MAP3K9: variants seen among roughly 807,000 people sequenced by gnomAD.
MAP3K9 encodes the protein mixed lineage kinase 1 (tyr and ser/thr specificity).
Under a neutral mutation model 95.8 loss-of-function variants are expected in MAP3K9, and 46 were observed. That is an observed-to-expected ratio of 0.48 (90% CI 0.38 to 0.61). The LOEUF (loss-of-function observed/expected upper bound fraction) is 0.61, where lower values mean the gene tolerates loss of function less well. Among genes scored for constraint, MAP3K9 ranks in the 20% least tolerant of loss-of-function variants. The probability of loss-of-function intolerance (pLI) is 0.00; values close to 1 mark genes in which losing one functional copy is unlikely to be tolerated. For missense variants in MAP3K9, 1,296 were observed against 1,474.3 expected, an observed-to-expected ratio of 0.88 and a Z score of 1.98; for synonymous variants, 533 against 593.8, an observed-to-expected ratio of 0.90 and a Z score of 1.49.
intron 3 of MAP3K9, among the ~76,000 whole-genome samples, chr14:70,757,957 A>C (rs1462137180): frequency 1.3e-5 from 2 of 152,216 alleles, no homozygotes; most frequent in Non-Finnish European, 2.9e-5. Context: ...TCTTAGAAAA[A>C]AATATAGGAG....
At chr14:70,739,509 C>T (rs1225936789) in intron 7 of MAP3K9, among the ~76,000 whole-genome samples, 2 of 150,378 alleles carry the variant, frequency 1.3e-5, no homozygotes, top group African/African-American at 4.9e-5. Flanking sequence ...TGTTCACACA[C>T]ACACACACAC....
At chr14:70,797,236 T>G (rs951686948) in intron 2 of MAP3K9, among the ~76,000 whole-genome samples, 3 of 152,134 alleles carry the variant, frequency 2.0e-5, no homozygotes, top group East Asian at 1.9e-4. Context: ...CACATGACAA[T>G]GACCAAAATC....
intron 2 of MAP3K9, among the ~76,000 whole-genome samples, chr14:70,783,847 C>T (rs923919468): frequency 3.9e-5 from 6 of 152,224 alleles, no homozygotes; most frequent in Non-Finnish European, 7.3e-5. Flanking sequence ...ATCTGAATAA[C>T]CACACAGGGC....
At position 70,800,899 on chromosome 14, in the gene MAP3K9, G is replaced by A. The variant is rs1282626030; in HGVS notation, c.588C>T (p.Ala196=). ...CAATGATGTTGGGGTGCTTCAGCAT[G>A]GCGAAGAGCTTGGCCTCTTGGCGAA... ...ENVRQEAKLF[A]MLKHPNIIAL... is the part of the protein sequence containing the mutation. Residue 196 remains alanine (A), a synonymous_variant, in exon 2 of 12, where the codon GCC becomes GCT. Transcript: ENST00000554752. 6.2e-7 allele frequency: 1 copy of A among 1,614,186 alleles called. No individual in the cohort carries two copies.
At chr14:70,733,454 C>T in intron 10 of MAP3K9, 112 bp from the exon 11 acceptor site, 1 of 611,836 alleles carries the variant, frequency 1.6e-6, no homozygotes, top group Non-Finnish European at 2.9e-6. Flanking sequence ...CTCAGGGACA[C>T]AAAGGTTCAA....
chr14:70,772,425 C>T (rs2054544166), intron 2 of MAP3K9, among the ~76,000 whole-genome samples: 1 of 152,148 alleles, frequency 6.6e-6, no homozygotes, highest in Admixed American at 6.5e-5. Flanking sequence ...TTTTCCTGAG[C>T]TAGAGTAAAG....
intron 2 of MAP3K9, among the ~76,000 whole-genome samples, chr14:70,767,260 T>TG (rs2054468639): frequency 6.6e-6 from 1 of 151,802 alleles, no homozygotes; most frequent in South Asian, 2.1e-4. Context: ...GGCACACACT[T>TG]GTAGTCCCAG....
At chr14:70,770,826 C>T (rs868538547) in intron 2 of MAP3K9, among the ~76,000 whole-genome samples, 4 of 152,154 alleles carry the variant, frequency 2.6e-5, no homozygotes, top group African/African-American at 9.7e-5. Context: ...ATCCCTGTGT[C>T]CTGTACCCCA....
chr14:70,765,735 T>TAAAAAAAAA (rs10523480), intron 2 of MAP3K9, among the ~76,000 whole-genome samples: 12 of 122,312 alleles, frequency 9.8e-5, no homozygotes, highest in East Asian at 4.7e-4. Context: ...CAACAACAGC[T>TAAAAAAAAA]AAAAAAAAAA....
intron 5 of MAP3K9, among the ~76,000 whole-genome samples, chr14:70,746,973 A>T (rs1356075064): frequency 6.6e-6 from 1 of 152,244 alleles, no homozygotes; most frequent in Non-Finnish European, 1.5e-5. Context: ...ATTCTGCTCA[A>T]CAGCCAGTGC....
At chr14:70,738,533 C>G in intron 7 of MAP3K9, 135 bp from the exon 8 acceptor site, 1 of 694,852 alleles carries the variant, frequency 1.4e-6, no homozygotes, top group Non-Finnish European at 2.4e-6. Flanking sequence ...ACTCTGTGCC[C>G]AAGTGGACCC....
At position 70,801,196 on chromosome 14, in the gene MAP3K9, T is replaced by C. The variant is rs2054926401; in HGVS notation, c.407-116A>G. On this transcript the variant is annotated intron_variant, in intron 1 of 11. Transcript: ENST00000554752. The stretch of plus-strand genomic sequence containing the variant: ...AAGTTGTCTGTTTACTGGGCCTTTC[T>C]GTCTCCCCATTATAAAGCAAATTCC... 1.5e-5 allele frequency: 14 copies of C among 951,554 alleles called. No homozygotes were observed. In the South Asian group the frequency reaches 2.4e-4, roughly 17 times the overall value. 58.9% of individuals were successfully genotyped at this position (951,554 alleles called of 1,614,324 possible). A position where few individuals can be genotyped will look rare whatever the true frequency, so the allele number is the denominator to read the frequency against.
intron 1 of MAP3K9, among the ~76,000 whole-genome samples, chr14:70,804,967 C>T (rs564313131): frequency 3.3e-5 from 5 of 152,226 alleles, no homozygotes; most frequent in Admixed American, 3.3e-4. Flanking sequence ...TGGATAGGAA[C>T]GAAGGAACTA....
chr14:70,789,737 CT>C (rs2054786423), intron 2 of MAP3K9, among the ~76,000 whole-genome samples: 2 of 152,124 alleles, frequency 1.3e-5, no homozygotes, highest in Non-Finnish European at 2.9e-5. Context: ...TTCAAGTTTC[CT>C]ATAGAGAGCA....
At chr14:70,802,604 G>A (rs1474516158) in intron 1 of MAP3K9, among the ~76,000 whole-genome samples, 1 of 152,000 alleles carries the variant, frequency 6.6e-6, no homozygotes, top group Non-Finnish European at 1.5e-5. Flanking sequence ...TCATACCTCA[G>A]GTCTTAAATA....
intron 1 of MAP3K9, among the ~76,000 whole-genome samples, chr14:70,803,688 A>T (rs1382172851): frequency 6.6e-6 from 1 of 152,218 alleles, no homozygotes; most frequent in Admixed American, 6.5e-5. Context: ...TAGTCTTTAG[A>T]TATACAAAAA....
chr14:70,783,745 G>A (rs1003129940), intron 2 of MAP3K9, among the ~76,000 whole-genome samples: 3 of 152,146 alleles, frequency 2.0e-5, no homozygotes, highest in African/African-American at 4.8e-5. Flanking sequence ...TCTTGCTCAC[G>A]CATGGTCCAT....
At chr14:70,788,470 C>A (rs1173646818) in intron 2 of MAP3K9, among the ~76,000 whole-genome samples, 1 of 152,206 alleles carries the variant, frequency 6.6e-6, no homozygotes, top group South Asian at 2.1e-4. Context: ...TCCCGCTTTA[C>A]ATCTGCAAAA....
At chr14:70,760,714 AGAG>A (rs931823747) in intron 3 of MAP3K9, among the ~76,000 whole-genome samples, 16 of 152,144 alleles carry the variant, frequency 1.1e-4, no homozygotes, top group African/African-American at 2.9e-4. Context: ...CTTACAGCGT[AGAG>A]ATGGGAGTAC....
Sources: gnomAD v4.1 joint callset for allele counts (sites outside exome capture counted in the v4.1 genomes callset) on GRCh38, gnomAD v4.1.1 for gene constraint, MANE v1.5 for transcripts, NCBI Gene and HGNC (gene_info 2026-07-23, HGNC 2026-07-21) for gene names.